Variants in LRRIQ1 observed in about 807,000 individuals in gnomAD.
The protein encoded by LRRIQ1 is leucine rich repeats and IQ motif containing 1, also known as leucine-rich repeat- and IQ domain-containing protein 1.
LRRIQ1 carries 210 observed loss-of-function variants against 211.9 expected under a neutral mutation model. That is an observed-to-expected ratio of 0.99 (90% confidence interval 0.89 to 1.11). The LOEUF is 1.11. LRRIQ1 is among the 50% of genes most tolerant of loss of function. The probability of loss-of-function intolerance (pLI) is 0.00; values close to 1 mark genes in which losing one functional copy is unlikely to be tolerated. For synonymous variants in LRRIQ1, 699 were observed against 650.1 expected, an observed-to-expected ratio of 1.08 and a Z score of -1.14; for missense variants, 2,136 against 1,939.5, an observed-to-expected ratio of 1.10 and a Z score of -1.90.
chr12:85,212,682 T>A (rs1438600218), intron 24 of LRRIQ1, among the ~76,000 whole-genome samples: 1 of 151,084 alleles, frequency 6.6e-6, no homozygotes, highest in East Asian at 1.9e-4. Context: ...ACTTTTAGAT[T>A]ACGTTAAATT....
chr12:85,082,716 T>C (rs1884428183), intron 11 of LRRIQ1, among the ~76,000 whole-genome samples: 1 of 152,198 alleles, frequency 6.6e-6, no homozygotes, highest in South Asian at 2.1e-4. Flanking sequence ...TGTAGTTCTG[T>C]TTCTGTGTGT....
In LRRIQ1 at chr12:85,065,266, C is replaced by G. The variant is rs1376395798; in HGVS notation, c.2396C>G (p.Thr799Arg). The G allele has an allele frequency of 1.2e-5, 20 of 1,606,374 alleles. No homozygotes were observed. The highest frequency in any genetic ancestry group is 1.7e-5 in the Non-Finnish European group (20 of 1,175,864). The change falls in exon 9 of 27, where the codon ACA (threonine) becomes AGA (arginine). Residue 799 changes from threonine (T) to arginine (R), a missense_variant. By Grantham distance (71) the Thr-to-Arg change is moderately conservative. Coordinates refer to ENST00000393217, the MANE Select transcript of LRRIQ1 (RefSeq NM_001079910.2). ...CAATTTTCTTGGTTCCTCTAGGTTACAACAGTTACATTTCAAGATTTGCCA... is the reference window on the plus strand; with the variant it reads ...CAATTTTCTTGGTTCCTCTAGGTTAGAACAGTTACATTTCAAGATTTGCCA... Reference protein sequence around the residue: ...CGPWDTLQQVTTVTFQDLPGC... With the variant: ...CGPWDTLQQVRTVTFQDLPGC...
intron 24 of LRRIQ1, among the ~76,000 whole-genome samples, chr12:85,202,134 T>G (rs1893330009): frequency 6.6e-6 from 1 of 152,186 alleles, no homozygotes; most frequent in Non-Finnish European, 1.5e-5. Flanking sequence ...TGTGCTATGG[T>G]CTTGATTGTG....
At chr12:85,204,259 G>A (rs553544963) in intron 24 of LRRIQ1, among the ~76,000 whole-genome samples, 1 of 152,274 alleles carries the variant, frequency 6.6e-6, no homozygotes, top group East Asian at 1.9e-4. Context: ...ATTTTGCCTG[G>A]ATGCCCAGGC....
intron 18 of LRRIQ1, among the ~76,000 whole-genome samples, chr12:85,134,649 A>G (rs1888997120): frequency 6.6e-6 from 1 of 152,120 alleles, no homozygotes; most frequent in Non-Finnish European, 1.5e-5. Context: ...ATTATGAATG[A>G]CAACCAGCAA....
rs373911771 is a variant in LRRIQ1 at position 85,098,358 on chromosome 12, G to A, written c.2891G>A (p.Gly964Asp). 6.3e-6 allele frequency: 10 copies of A among 1,598,404 alleles called. 1 individual carries two copies. The highest frequency in any genetic ancestry group is 4.4e-5 in the South Asian group (4 of 90,094). The part of the protein sequence containing the change: ...FLISHLYWNC[G>D]LESLKNLQQL... ...TCTTATAACTTTTTTCTTCTAGGTG[G>A]TTTAGAATCTTTGAAAAATCTTCAA... Residue 964 changes from glycine (G) to aspartate (D), a missense_variant, in exon 12 of 27, where the codon GGT becomes GAT. Physicochemically the swap from Gly to Asp is moderately conservative, Grantham distance 94. Transcript: ENST00000393217.
intron 15 of LRRIQ1, among the ~76,000 whole-genome samples, chr12:85,108,149 T>A (rs955470438): frequency 1.3e-5 from 2 of 152,176 alleles, no homozygotes; most frequent in African/African-American, 4.8e-5. Flanking sequence ...TTGTATTACT[T>A]TAAATAGCCT....
intron 11 of LRRIQ1, among the ~76,000 whole-genome samples, chr12:85,086,378 G>A (rs1287989404): frequency 1.3e-5 from 2 of 151,966 alleles, no homozygotes; most frequent in Admixed American, 6.6e-5. Flanking sequence ...CTGAGTTGTC[G>A]TGAGGTCTGG....
intron 11 of LRRIQ1, among the ~76,000 whole-genome samples, chr12:85,095,479 G>C (rs1172386233): frequency 6.6e-6 from 1 of 152,138 alleles, no homozygotes; most frequent in East Asian, 1.9e-4. Context: ...TGATTGTGGT[G>C]AGTTACCTTT....
At chr12:85,061,349 T>A (rs1306549393) in intron 8 of LRRIQ1, among the ~76,000 whole-genome samples, 1 of 151,722 alleles carries the variant, frequency 6.6e-6, no homozygotes, top group East Asian at 1.9e-4. Flanking sequence ...TTTGGAAAAA[T>A]CTGTGGTCGA....
At position 85,257,881 on chromosome 12, in the gene LRRIQ1, T is replaced by TCCC. The variant is rs1271055539; in HGVS notation, c.122-5034_122-5033insCCC. The stretch of plus-strand genomic sequence containing the variant: ...TTGTAGCGCCACATTCCAGCCATCA[T>TCCC]TTTGCAAACACAGCCACATGGCATC... On this transcript the variant is annotated intron_variant, in intron 1 of 1. Coordinates refer to the LRRIQ1 transcript ENST00000602731. 2.0e-5 allele frequency among the ~76,000 whole-genome samples: 3 copies of TCCC among 152,022 alleles called. No individual in the cohort carries two copies. In the East Asian group the frequency reaches 5.8e-4, roughly 29 times the overall value.
intron 2 of LRRIQ1, among the ~76,000 whole-genome samples, chr12:85,040,120 GA>G (rs1325305737): frequency 6.0e-5 from 9 of 151,246 alleles, no homozygotes; most frequent in African/African-American, 9.7e-5. Context: ...TAAATATTTT[GA>G]AAAAATAATC....
chr12:85,139,735 T>C (rs951932174), intron 19 of LRRIQ1, among the ~76,000 whole-genome samples: 1 of 151,406 alleles, frequency 6.6e-6, no homozygotes, highest in African/African-American at 2.4e-5. Context: ...CTGAATTATT[T>C]TCATAGGCAT....
intron 10 of LRRIQ1, among the ~76,000 whole-genome samples, chr12:85,069,342 G>T (rs1447634356): frequency 6.6e-6 from 1 of 151,932 alleles, no homozygotes. Context: ...GTCTATCGTT[G>T]TTGTACATTT....
intron 2 of LRRIQ1, among the ~76,000 whole-genome samples, chr12:85,039,725 G>A (rs1878639389): frequency 6.6e-6 from 1 of 151,504 alleles, no homozygotes; most frequent in Non-Finnish European, 1.5e-5. Context: ...TGCATATCAT[G>A]TTCTTCTATA....
chr12:85,107,770 T>C (rs1190235419), intron 15 of LRRIQ1, among the ~76,000 whole-genome samples: 4 of 152,154 alleles, frequency 2.6e-5, no homozygotes, highest in African/African-American at 9.6e-5. Flanking sequence ...TCTATTGCTT[T>C]GTCTTCAAAT....
intron 15 of LRRIQ1, among the ~76,000 whole-genome samples, chr12:85,115,841 G>A (rs1301201204): frequency 6.6e-6 from 1 of 151,862 alleles, no homozygotes; most frequent in East Asian, 1.9e-4. Flanking sequence ...AATAAAATAT[G>A]CTTATAGTAA....
intron 10 of LRRIQ1, 82 bp downstream of exon 10, chr12:85,066,980 C>A: frequency 1.5e-6 from 1 of 680,648 alleles, no homozygotes. Context: ...TAGGAGTAGG[C>A]CACCATCACA....
At chr12:85,132,743 AAGAGTGAGACCC>A (rs1372871262) in intron 18 of LRRIQ1, among the ~76,000 whole-genome samples, 145 of 152,128 alleles carry the variant, frequency 9.5e-4, no homozygotes, top group African/African-American at 3.3e-3. Context: ...GCCTAGGTGA[AAGAGTGAGACCC>A]TGTCTCAAAA....
Sources: gnomAD v4.1 joint callset for allele counts (sites outside exome capture counted in the v4.1 genomes callset) on GRCh38, gnomAD v4.1.1 for gene constraint, MANE v1.5 for transcripts, NCBI Gene and HGNC (gene_info 2026-07-23, HGNC 2026-07-21) for gene names.